The following MRTFA variants were observed in gnomAD, a reference collection of about 807,000 sequenced individuals.
MRTFA encodes myocardin-related transcription factor A.
In MRTFA, 20 loss-of-function variants were observed where a neutral mutation model predicts 83.5. The observed-to-expected ratio is 0.24, with a 90% CI of 0.17 to 0.35. The LOEUF (loss-of-function observed/expected upper bound fraction) is 0.35. MRTFA is among the 10% of genes least tolerant of loss of function. The probability of loss-of-function intolerance (pLI) is 1.00; values close to 1 mark genes in which losing one functional copy is unlikely to be tolerated. For synonymous variants in MRTFA, 659 were observed against 541.2 expected, an observed-to-expected ratio of 1.22 and a Z score of -3.02; for missense variants, 1,200 against 1,224.7, an observed-to-expected ratio of 0.98 and a Z score of 0.30.
chr22:40,482,870 C>T (rs2054113679), intron 3 of MRTFA, among the ~76,000 whole-genome samples: 1 of 152,170 alleles, frequency 6.6e-6, no homozygotes, highest in Non-Finnish European at 1.5e-5. Flanking sequence ...TGGGTTGTGC[C>T]TATAATCCCA....
chr22:40,492,541 G>C (rs1341889995), intron 3 of MRTFA, among the ~76,000 whole-genome samples: 1 of 152,164 alleles, frequency 6.6e-6, no homozygotes, highest in Non-Finnish European at 1.5e-5. Context: ...TAAACAGTTG[G>C]TTTCTCTGCT....
chr22:40,458,711 T>C (rs1404230637), intron 4 of MRTFA, among the ~76,000 whole-genome samples: 1 of 152,098 alleles, frequency 6.6e-6, no homozygotes, highest in Non-Finnish European at 1.5e-5. Flanking sequence ...AACGTGCCCA[T>C]TCCCTCGGCT....
chr22:40,475,637 T>C (rs952166013), intron 3 of MRTFA, among the ~76,000 whole-genome samples: 2 of 152,250 alleles, frequency 1.3e-5, no homozygotes, highest in African/African-American at 4.8e-5. Flanking sequence ...CATGCCCTAC[T>C]ACTGGCAAAT....
intron 3 of MRTFA, among the ~76,000 whole-genome samples, chr22:40,494,666 G>T (rs1051180977): frequency 7.4e-5 from 11 of 149,156 alleles, no homozygotes; most frequent in Admixed American, 6.7e-5. Context: ...GGGTAACAGA[G>T]CCAGACTCTG....
At chr22:40,590,085 TTTTTTTGCA>T (rs1158329278) in intron 2 of MRTFA, among the ~76,000 whole-genome samples, 1 of 152,068 alleles carries the variant, frequency 6.6e-6, no homozygotes, top group Non-Finnish European at 1.5e-5. Context: ...CTGAACTTCA[TTTTTTTGCA>T]TTTTTTGCAT....
At chr22:40,628,153 T>A (rs2056601946) in intron 1 of MRTFA, among the ~76,000 whole-genome samples, 1 of 152,192 alleles carries the variant, frequency 6.6e-6, no homozygotes, top group African/African-American at 2.4e-5. Context: ...CTCTTTACAT[T>A]TCTTCATAAT....
rs185601589 is a variant in MRTFA, at chr22:40,593,807, C to T, written c.-22+867G>A. Among the ~76,000 whole-genome samples the T allele has an allele frequency of 7.3e-4, 111 of 152,312 alleles. 1 individual carries two copies. The highest frequency in any genetic ancestry group is 2.6e-3 in the African/African-American group (108 of 41,576). ...TGACATCAACCCATAGAACCCCACA[C>T]ACAAGTTTACAGGATTCCTGGTTGG... On this transcript the variant is annotated intron_variant, in intron 2 of 14. Transcript: ENST00000355630.
intron 1 of MRTFA, among the ~76,000 whole-genome samples, chr22:40,626,175 G>A (rs995928226): frequency 3.9e-5 from 6 of 151,990 alleles, no homozygotes; most frequent in Non-Finnish European, 7.4e-5. Context: ...TAGTAGAGAT[G>A]GGGTTTCGCC....
At chr22:40,631,316 A>G (rs1010770775) in intron 1 of MRTFA, among the ~76,000 whole-genome samples, 2 of 152,174 alleles carry the variant, frequency 1.3e-5, no homozygotes, top group Admixed American at 6.5e-5. Flanking sequence ...CCCAAAACCA[A>G]TGATGATCAT....
intron 2 of MRTFA, among the ~76,000 whole-genome samples, chr22:40,576,130 G>C (rs1443662446): frequency 6.7e-6 from 1 of 150,286 alleles, no homozygotes; most frequent in African/African-American, 2.4e-5. Context: ...GTGGGTTCAA[G>C]CAATTCTCCT....
chr22:40,605,522 C>G (rs1424957394), intron 1 of MRTFA, among the ~76,000 whole-genome samples: 1 of 152,126 alleles, frequency 6.6e-6, no homozygotes, highest in African/African-American at 2.4e-5. Context: ...GGATATTATT[C>G]TAAGCACAAT....
rs150158462 is a variant in MRTFA, at chr22:40,478,856, T to C, written c.242-15570A>G. 1.4e-3 allele frequency among the ~76,000 whole-genome samples: 210 copies of C among 152,236 alleles called. 5 individuals are homozygous for C. The East Asian group carries it at 0.038, about 27-fold the overall frequency. ...CACCTTTCATCTGAAGACCCTTAGATTGACCCCAGGAGGAGCCCTAGCTGC... is the reference window on the plus strand; with the variant it reads ...CACCTTTCATCTGAAGACCCTTAGACTGACCCCAGGAGGAGCCCTAGCTGC... On this transcript the variant is annotated intron_variant, in intron 3 of 14. Transcript: ENST00000355630.
intron 14 of MRTFA, chr22:40,412,934 G>A (rs55812888): frequency 0.057 from 8,722 of 151,930 alleles, 340 homozygotes; most frequent in African/African-American, 0.093. Context: ...TCAGGAGTTC[G>A]AGACCAGCCA....
Position 40,411,732 on chromosome 22 carries a change from C to T in MRTFA, c.2754G>A (p.Leu918=), listed in dbSNP as rs2052545185. The T allele has an allele frequency of 6.4e-7, 1 of 1,556,464 alleles. No homozygotes were observed. Among genetic ancestry groups the T allele is most frequent in the South Asian group, 1.2e-5 (1 of 83,034 alleles). The change falls in exon 15 of 15, where the codon CTG becomes CTA. Residue 918 remains leucine (L), a synonymous_variant. Coordinates refer to ENST00000355630, the MANE Select transcript of MRTFA (RefSeq NM_020831.6). Reference sequence around the variant, plus strand: ...GCAGGGGCAGCCCCGTGCTGCTCTCCAGGAAGTCCTCCAGGCGTCCAGGGA... The same window carrying T: ...GCAGGGGCAGCCCCGTGCTGCTCTCTAGGAAGTCCTCCAGGCGTCCAGGGA...
At chr22:40,590,605 G>A (rs149895946) in intron 2 of MRTFA, among the ~76,000 whole-genome samples, 4 of 149,852 alleles carry the variant, frequency 2.7e-5, no homozygotes, top group East Asian at 2.0e-4. Flanking sequence ...AGGCGGAGGC[G>A]GAGGCTGCAG....
At chr22:40,490,323 G>C (rs1000243071) in intron 3 of MRTFA, among the ~76,000 whole-genome samples, 2 of 152,150 alleles carry the variant, frequency 1.3e-5, no homozygotes, top group African/African-American at 4.8e-5. Flanking sequence ...ATTCTCAGCT[G>C]GGCGCGATGG....
At chr22:40,451,898 T>G (rs938362252) in intron 4 of MRTFA, among the ~76,000 whole-genome samples, 7 of 151,902 alleles carry the variant, frequency 4.6e-5, no homozygotes, top group Middle Eastern at 3.4e-3. Flanking sequence ...CTAAGTGATC[T>G]GTTTAGAATA....
intron 6 of MRTFA, among the ~76,000 whole-genome samples, chr22:40,430,884 G>T (rs1029098974): frequency 2.0e-5 from 3 of 147,750 alleles, no homozygotes; most frequent in South Asian, 2.1e-4. Context: ...AAAAAAAAGC[G>T]GGGGAAGAAA....
intron 3 of MRTFA, among the ~76,000 whole-genome samples, chr22:40,465,062 T>C (rs1356089808): frequency 2.0e-5 from 3 of 152,204 alleles, no homozygotes; most frequent in Non-Finnish European, 1.5e-5. Context: ...CCTACCTCTT[T>C]TATTCACTTC....
Sources: gnomAD v4.1 joint callset for allele counts (sites outside exome capture counted in the v4.1 genomes callset) on GRCh38, gnomAD v4.1.1 for gene constraint, MANE v1.5 for transcripts, NCBI Gene and HGNC (gene_info 2026-07-23, HGNC 2026-07-21) for gene names.